The following CSMD3 variants were observed in gnomAD, a reference collection of about 807,000 sequenced individuals.
CSMD3 encodes CUB and Sushi multiple domains 3.
A neutral mutation model predicts 435.2 loss-of-function variants in CSMD3; 177 were observed. The observed-to-expected ratio is 0.41, with a 90% CI of 0.36 to 0.46. CSMD3 has a LOEUF of 0.46. CSMD3 is among the 20% of genes least tolerant of loss of function. CSMD3 has a pLI of 0.34. For synonymous variants in CSMD3, 1,656 were observed against 1,520.5 expected (o/e 1.09, Z -2.07); for missense variants, 4,265 against 4,504.6 (o/e 0.95, Z 1.52).
intron 6 of CSMD3, among the ~76,000 whole-genome samples, chr8:113,005,246 A>G (rs925918744): frequency 6.6e-6 from 1 of 151,958 alleles, no homozygotes; most frequent in African/African-American, 2.4e-5. Context: ...TACACAATCA[A>G]CCAATAACAA....
intron 10 of CSMD3, among the ~76,000 whole-genome samples, chr8:112,885,769 C>T (rs916265999): frequency 6.6e-6 from 1 of 151,674 alleles, no homozygotes; most frequent in African/African-American, 2.4e-5. Context: ...GATTGGCATT[C>T]TCAATGTTCC....
At chr8:112,720,954 G>C (rs1452415185) in intron 13 of CSMD3, among the ~76,000 whole-genome samples, 1 of 152,124 alleles carries the variant, frequency 6.6e-6, no homozygotes, top group South Asian at 2.1e-4. Flanking sequence ...CAATTTCACT[G>C]TATATATTGT....
At chr8:113,249,469 A>C (rs2093313790) in intron 3 of CSMD3, among the ~76,000 whole-genome samples, 1 of 152,004 alleles carries the variant, frequency 6.6e-6, no homozygotes, top group African/African-American at 2.4e-5. Context: ...CCTCCCCTTG[A>C]GTTTGAGGTA....
In CSMD3 at chr8:112,510,872, C is replaced by CT. The variant is rs149059164; in HGVS notation, c.4757-4044dup. The stretch of plus-strand genomic sequence containing the variant: ...ATATTTCATAACGTTTGTTGAATTG[C>CT]TAGTGGTTCTTTATATTTGATTATG... On this transcript the variant is annotated intron_variant, in intron 28 of 70. Transcript: ENST00000297405. Among the ~76,000 whole-genome samples, 285 of 152,168 alleles carry CT rather than the reference C, an allele frequency of 1.9e-3. 1 individual carries two copies. The highest frequency in any genetic ancestry group is 6.5e-3 in the African/African-American group (269 of 41,528).
At chr8:113,244,739 A>G (rs764330713) in intron 3 of CSMD3, among the ~76,000 whole-genome samples, 9 of 152,204 alleles carry the variant, frequency 5.9e-5, no homozygotes, top group South Asian at 2.1e-4. Flanking sequence ...GACCATAAAT[A>G]TAAGGGTTTA....
At chr8:113,238,399 C>G (rs761818366) in intron 3 of CSMD3, among the ~76,000 whole-genome samples, 2 of 151,938 alleles carry the variant, frequency 1.3e-5, no homozygotes, top group Non-Finnish European at 2.9e-5. Flanking sequence ...GGGGTTAGAC[C>G]AGTTGAATTT....
chr8:113,354,795 A>G (rs2057446944), intron 1 of CSMD3, among the ~76,000 whole-genome samples: 1 of 151,294 alleles, frequency 6.6e-6, no homozygotes, highest in African/African-American at 2.4e-5. Flanking sequence ...GTGTGTTACC[A>G]TGCCCGACTA....
At chr8:112,912,619 A>T (rs2082456216) in intron 10 of CSMD3, among the ~76,000 whole-genome samples, 1 of 151,996 alleles carries the variant, frequency 6.6e-6, no homozygotes, top group Admixed American at 6.6e-5. Context: ...TTTAAAAAAC[A>T]TAGAGAAAAC....
chr8:112,818,804 A>G (rs2079449655), intron 12 of CSMD3, among the ~76,000 whole-genome samples: 1 of 152,168 alleles, frequency 6.6e-6, no homozygotes, highest in Non-Finnish European at 1.5e-5. Flanking sequence ...TCCAGACAAC[A>G]ACATGATAAA....
intron 10 of CSMD3, among the ~76,000 whole-genome samples, chr8:112,859,882 T>TTTCTTGC (rs2080775128): frequency 6.6e-6 from 1 of 151,842 alleles, no homozygotes; most frequent in Non-Finnish European, 1.5e-5. Context: ...ACTGTTTCTG[T>TTTCTTGC]TTCTTGCTTC....
At chr8:112,552,765 CT>C in intron 25 of CSMD3, 45 bp from the exon 26 acceptor site, 1 of 1,569,850 alleles carries the variant, frequency 6.4e-7, no homozygotes, top group Non-Finnish European at 8.7e-7. Context: ...TAATGCCAAT[CT>C]TTTCAAAACA....
Position 112,636,868 on chromosome 8 carries a change from AGATGATCT to A in CSMD3, c.3656_3663del (p.Glu1219ValfsTer19). The stretch of plus-strand genomic sequence containing the variant: ...CACACTCGTCGGCCACCACCAAGAC[AGATGATCT>A]CTGATGTTCCTTCCAGTCGATAACC... On this transcript the variant is annotated frameshift_variant, in exon 22 of 71. Coordinates refer to ENST00000297405, the MANE Select transcript of CSMD3 (RefSeq NM_198123.2). LOFTEE classifies it high-confidence loss of function. 1 of 1,613,646 alleles carries A rather than the reference AGATGATCT, an allele frequency of 6.2e-7. No individual in the cohort carries two copies. Among genetic ancestry groups the A allele is most frequent in the Non-Finnish European group, 8.5e-7 (1 of 1,179,760 alleles).
At chr8:113,285,302 C>A (rs1301099371) in intron 2 of CSMD3, among the ~76,000 whole-genome samples, 1 of 150,518 alleles carries the variant, frequency 6.6e-6, no homozygotes, top group Non-Finnish European at 1.5e-5. Flanking sequence ...CTCTGTTGCC[C>A]AGGCTGGAGT....
At chr8:113,198,719 AG>A (rs1330270347) in intron 3 of CSMD3, among the ~76,000 whole-genome samples, 2 of 151,246 alleles carry the variant, frequency 1.3e-5, no homozygotes, top group Admixed American at 1.3e-4. Flanking sequence ...ACTCCCTTAA[AG>A]AAGTAGAGGA....
intron 6 of CSMD3, among the ~76,000 whole-genome samples, chr8:113,011,234 T>C (rs1467566340): frequency 6.6e-6 from 1 of 151,824 alleles, no homozygotes; most frequent in Non-Finnish European, 1.5e-5. Context: ...ATTAAAACTG[T>C]ACCCCAATTC....
chr8:112,929,549 A>G (rs899331947), intron 9 of CSMD3, among the ~76,000 whole-genome samples: 3 of 152,072 alleles, frequency 2.0e-5, no homozygotes, highest in Non-Finnish European at 4.4e-5. Context: ...TCTCTTATAT[A>G]TAACACTCAA....
chr8:113,362,368 T>G (rs1018294325), intron 1 of CSMD3, among the ~76,000 whole-genome samples: 1 of 152,188 alleles, frequency 6.6e-6, no homozygotes, highest in Admixed American at 6.5e-5. Flanking sequence ...TATTTCCGGT[T>G]GGGGAACCTC....
intron 30 of CSMD3, among the ~76,000 whole-genome samples, chr8:112,497,378 A>G (rs1259191732): frequency 1.4e-5 from 2 of 146,848 alleles, no homozygotes; most frequent in African/African-American, 5.5e-5. Context: ...TGTTTGTAAC[A>G]TAAATAAATG....
rs761717409 is a variant in CSMD3 at position 112,552,740 on chromosome 8, A to G, written c.4235-20T>C. The G allele has an allele frequency of 1.2e-6, 2 of 1,606,678 alleles. No homozygotes were observed. The highest frequency in any genetic ancestry group is 1.7e-6 in the Non-Finnish European group (2 of 1,175,766). On this transcript the variant is annotated intron_variant, in intron 25 of 70. Transcript: ENST00000297405. Reference sequence around the variant, plus strand: ...ATTCAGCTGATAAAAAATAATAGAAATTTAAGCCACAATTTAATGCCAATC... The same window carrying G: ...ATTCAGCTGATAAAAAATAATAGAAGTTTAAGCCACAATTTAATGCCAATC...
Sources: allele counts gnomAD v4.1 joint callset (sites outside exome capture counted in the v4.1 genomes callset), GRCh38; gene constraint gnomAD v4.1.1; transcripts MANE v1.5; gene names NCBI Gene and HGNC (gene_info 2026-07-23, HGNC 2026-07-21).